RYR2: variants seen among roughly 807,000 people sequenced by gnomAD.
RYR2 encodes the protein ryanodine receptor 2.
Under a neutral mutation model 601.1 loss-of-function variants are expected in RYR2, and 227 were observed. The ratio of observed to expected loss-of-function variants is 0.38; its 90% CI spans 0.34 to 0.42. RYR2 has a LOEUF of 0.42. Ranked by LOEUF, RYR2 falls within the 10% of genes least tolerant of loss-of-function variation. RYR2 has a pLI of 1.00. For synonymous variants in RYR2, 2,223 were observed against 2,175.1 expected (o/e 1.02, Z -0.61); for missense variants, 4,646 against 6,156.5 (o/e 0.75, Z 8.21).
chr1:237,752,605 A>G lies in RYR2; in HGVS notation c.11146-3683A>G, dbSNP rs540876881. Among the ~76,000 whole-genome samples the G allele has an allele frequency of 6.6e-5, 10 of 152,298 alleles. No homozygotes were observed. In the East Asian group the frequency reaches 1.7e-3, roughly 26 times the overall value. On this transcript the variant is annotated intron_variant, in intron 80 of 104. Transcript: ENST00000366574. ...AACTTAAATACAACAGAAAAAAATA[A>G]TTGAAGTAGATAAGTTGTCTCTTAT...
At chr1:237,401,025 G>C (rs2149930557) in intron 10 of RYR2, among the ~76,000 whole-genome samples, 1 of 152,244 alleles carries the variant, frequency 6.6e-6, no homozygotes, top group East Asian at 1.9e-4. Flanking sequence ...AAATAGACCA[G>C]ACCTTACAAG....
At chr1:237,502,091 G>A (rs553478291) in intron 21 of RYR2, among the ~76,000 whole-genome samples, 1 of 152,276 alleles carries the variant, frequency 6.6e-6, no homozygotes, top group East Asian at 1.9e-4. Flanking sequence ...CCAGGAGCTG[G>A]AGGCTGTAGT....
At chr1:237,193,593 T>C (rs1418798120) in intron 1 of RYR2, among the ~76,000 whole-genome samples, 6 of 152,204 alleles carry the variant, frequency 3.9e-5, no homozygotes, top group Non-Finnish European at 8.8e-5. Flanking sequence ...TCTACTCCCC[T>C]CAGCACTAAG....
chr1:237,085,107 G>A lies in RYR2; in HGVS notation c.48+42538G>A, dbSNP rs747079591. ...TTATGTTCATTTTGTAGCATGAGTC[G>A]TGAAATTTGAAGTGCAACAGATATT... is the stretch of plus-strand genomic sequence containing the variant. On this transcript the variant is annotated intron_variant, in intron 1 of 104. Coordinates refer to ENST00000366574, the MANE Select transcript of RYR2 (RefSeq NM_001035.3). Among the ~76,000 whole-genome samples the A allele has an allele frequency of 2.6e-5, 4 of 152,300 alleles. No individual in the cohort carries two copies. The South Asian group carries it at 6.2e-4, about 24-fold the overall frequency.
intron 45 of RYR2, 92 bp from the exon 46 acceptor site, chr1:237,638,923 C>T (rs906082402): frequency 7.1e-7 from 1 of 1,416,562 alleles, no homozygotes; most frequent in Non-Finnish European, 9.7e-7. Flanking sequence ...TTTAGTTATT[C>T]TTATACATAG....
rs548239611 is a variant in RYR2, at chr1:237,726,801, G to T, written c.10726-286G>T. ...ATTTTCTATTTCTTTGATTTTAGAG[G>T]TGACATAGCTTTGAAGTACACAGTA... is the stretch of plus-strand genomic sequence containing the variant. On this transcript the variant is annotated intron_variant, in intron 75 of 104. Transcript: ENST00000366574. Among the ~76,000 whole-genome samples the T allele has an allele frequency of 5.9e-5, 9 of 152,122 alleles. No individual in the cohort carries two copies. In the South Asian group the frequency reaches 1.7e-3, roughly 28 times the overall value.
intron 88 of RYR2, among the ~76,000 whole-genome samples, chr1:237,780,437 C>T (rs1255735263): frequency 6.6e-6 from 1 of 152,196 alleles, no homozygotes; most frequent in Non-Finnish European, 1.5e-5. Flanking sequence ...GTTTCCATAA[C>T]AGCTATTTAG....
intron 27 of RYR2, among the ~76,000 whole-genome samples, chr1:237,552,536 C>T (rs1670504079): frequency 1.3e-5 from 2 of 151,898 alleles, no homozygotes; most frequent in Admixed American, 6.6e-5. Context: ...TTTGTGTTCC[C>T]AACAAAGTAA....
intron 1 of RYR2, among the ~76,000 whole-genome samples, chr1:237,162,130 A>T (rs1021030169): frequency 3.3e-5 from 5 of 152,130 alleles, no homozygotes; most frequent in Non-Finnish European, 5.9e-5. Context: ...GGAGTTTGGG[A>T]TATTCTGTTA....
intron 1 of RYR2, among the ~76,000 whole-genome samples, chr1:237,153,652 C>CTT (rs111780275): frequency 1.4e-4 from 16 of 118,398 alleles, no homozygotes; most frequent in South Asian, 2.5e-4. Flanking sequence ...ATCAATAAAT[C>CTT]TTTTTTTTTT....
intron 1 of RYR2, among the ~76,000 whole-genome samples, chr1:237,222,286 G>A (rs144399727): frequency 1.3e-5 from 2 of 152,032 alleles, no homozygotes; most frequent in Middle Eastern, 3.4e-3. Flanking sequence ...GGTGGCAGGC[G>A]CCTGTAGTCC....
At chr1:237,235,941 A>G (rs1447705613) in intron 1 of RYR2, among the ~76,000 whole-genome samples, 2 of 152,198 alleles carry the variant, frequency 1.3e-5, no homozygotes, top group Non-Finnish European at 2.9e-5. Context: ...ATATTGGATG[A>G]CAACATTGTT....
rs542392239 is a variant in RYR2 at position 237,268,782 on chromosome 1, A to G, written c.49-1715A>G. Among the ~76,000 whole-genome samples, 4 of 141,542 alleles carry G rather than the reference A, an allele frequency of 2.8e-5. No homozygotes were observed. In the South Asian group the frequency reaches 8.4e-4, roughly 30 times the overall value. The allele number at this position is 141,542 out of a possible 152,430, so 92.9% of individuals were successfully genotyped here. On this transcript the variant is annotated intron_variant, in intron 1 of 104. Transcript: ENST00000366574. ...GAAACCCCATCTCTATTAAAAATAC[A>G]AAAATTAGCTGGGTGTGGTGGTGGG...
intron 10 of RYR2, among the ~76,000 whole-genome samples, chr1:237,391,743 T>C (rs1400653123): frequency 3.9e-5 from 6 of 152,144 alleles, no homozygotes; most frequent in Admixed American, 2.6e-4. Context: ...CATTTAGATA[T>C]GTATGTGTAT....
intron 29 of RYR2, among the ~76,000 whole-genome samples, chr1:237,589,341 T>C (rs1674891365): frequency 6.6e-6 from 1 of 152,174 alleles, no homozygotes; most frequent in South Asian, 2.1e-4. Flanking sequence ...GCTCAGACTG[T>C]GTCTGGTGTT....
chr1:237,610,275 C>G lies in RYR2; in HGVS notation c.4684-487C>G, dbSNP rs573188709. Among the ~76,000 whole-genome samples the G allele has an allele frequency of 6.6e-6, 1 of 152,258 alleles. No homozygotes were observed. Among genetic ancestry groups the G allele is most frequent in the Admixed American group, 6.5e-5 (1 of 15,298 alleles). ...TTTCTTATTCGGTAGTCAGGTTTAT[C>G]TGTTGAGCTTTATCTGGAATACTTC... On this transcript the variant is annotated intron_variant, in intron 35 of 104. Coordinates refer to ENST00000366574, the MANE Select transcript of RYR2 (RefSeq NM_001035.3). The surrounding 1 kb of genome is among the most constrained non-coding windows in gnomAD (Gnocchi z 4.9).
chr1:237,588,583 A>G (rs6683323), intron 29 of RYR2, among the ~76,000 whole-genome samples: 79,913 of 152,018 alleles, frequency 0.53, 21,360 homozygotes, highest in South Asian at 0.67. Context: ...CTGTAATCCC[A>G]GCACTTCGGG....
intron 1 of RYR2, among the ~76,000 whole-genome samples, chr1:237,058,447 AT>A (rs1662439994): frequency 1.3e-5 from 2 of 152,226 alleles, no homozygotes; most frequent in South Asian, 4.1e-4. Flanking sequence ...TTTCAAAAAA[AT>A]CTAACCAGTA....
chr1:237,182,963 G>C (rs1558384200), intron 1 of RYR2, among the ~76,000 whole-genome samples: 1 of 152,152 alleles, frequency 6.6e-6, no homozygotes, highest in Admixed American at 6.5e-5. Context: ...ATCTTTCAGA[G>C]TATCCCATTT....
Sources: allele counts gnomAD v4.1 joint callset (sites outside exome capture counted in the v4.1 genomes callset), GRCh38; gene constraint gnomAD v4.1.1; non-coding constraint Gnocchi (gnomAD v3.1); transcripts MANE v1.5; gene names NCBI Gene and HGNC (gene_info 2026-07-23, HGNC 2026-07-21).